The following PLCD3 variants were observed in gnomAD, a reference collection of about 807,000 sequenced individuals.
PLCD3 encodes the protein 1-phosphatidylinositol 4,5-bisphosphate phosphodiesterase delta-3.
Under a neutral mutation model 82.8 loss-of-function variants are expected in PLCD3, and 62 were observed. That is an observed-to-expected ratio of 0.75 (90% confidence interval 0.61 to 0.93). PLCD3 has a LOEUF of 0.93. PLCD3 is among the 40% of genes least tolerant of loss of function. The pLI is 0.00. For synonymous variants in PLCD3, 478 were observed against 471.8 expected (o/e 1.01, Z -0.17); for missense variants, 1,023 against 1,103.4 (o/e 0.93, Z 1.03).
chr17:45,124,945 C>A (rs753560262), intron 1 of PLCD3, among the ~76,000 whole-genome samples: 2 of 152,272 alleles, frequency 1.3e-5, no homozygotes, highest in Non-Finnish European at 2.9e-5. Flanking sequence ...AATCCCAGCA[C>A]TTTGGGAGGC....
intron 10 of PLCD3, among the ~76,000 whole-genome samples, 179 bp downstream of exon 10, chr17:45,114,915 T>C (rs1261496976): frequency 1.3e-5 from 2 of 151,954 alleles, no homozygotes. Context: ...GCCCTCAGCG[T>C]GCCACTCCCC....
chr17:45,120,581 C>A, intron 3 of PLCD3, 127 bp from the exon 4 acceptor site: 1 of 1,248,634 alleles, frequency 8.0e-7, no homozygotes, highest in Non-Finnish European at 1.1e-6. Flanking sequence ...TCCCCTTGGC[C>A]TGTGCACTCC....
Position 45,112,599 on chromosome 17 carries a change from G to A in PLCD3, c.*17C>T. The A allele has an allele frequency of 6.3e-7, 1 of 1,583,432 alleles. No individual in the cohort carries two copies. Among genetic ancestry groups the A allele is most frequent in the Non-Finnish European group, 8.6e-7 (1 of 1,164,366 alleles). ...GGACTGGCACTCGCAGAACCCCAAGGCGAGTGAGGTGGGCCCTCAGGAGCG... is the reference window on the plus strand; with the variant it reads ...GGACTGGCACTCGCAGAACCCCAAGACGAGTGAGGTGGGCCCTCAGGAGCG... On this transcript the variant is annotated 3_prime_UTR_variant, in exon 15 of 15. Transcript: ENST00000619929.
intron 8 of PLCD3, 158 bp from the exon 9 acceptor site, chr17:45,115,648 G>A (rs1447173314): frequency 3.0e-6 from 2 of 666,668 alleles, no homozygotes; most frequent in Admixed American, 5.6e-5. Flanking sequence ...AGGAAAGAGT[G>A]GAGAATGGCC....
At chr17:45,117,413 T>G (rs111386686) in intron 7 of PLCD3, among the ~76,000 whole-genome samples, 4 of 152,132 alleles carry the variant, frequency 2.6e-5, no homozygotes, top group Non-Finnish European at 5.9e-5. Flanking sequence ...ACTCAGCTAA[T>G]TTTTATTTTT....
At chr17:45,125,547 G>C (rs1041462043) in intron 1 of PLCD3, among the ~76,000 whole-genome samples, 6 of 152,262 alleles carry the variant, frequency 3.9e-5, no homozygotes, top group Non-Finnish European at 8.8e-5. Context: ...AGCGAGCTGA[G>C]ATTGTGCCAC....
rs544652887 is a variant in PLCD3 at position 45,121,013 on chromosome 17, T to G, written c.443A>C (p.Lys148Thr). Reference sequence around the variant, plus strand: ...CGTGGGCGCCGCCAGGTCCAGGTTCTTGCGGCGGCCCTTGAAGGCGATGGT... The same window carrying G: ...CGTGGGCGCCGCCAGGTCCAGGTTCGTGCGGCGGCCCTTGAAGGCGATGGT... ...CLTIAFKGRR[K>T]NLDLAAPTAE... is the part of the protein sequence containing the mutation. Residue 148 changes from lysine to threonine, a missense_variant, in exon 3 of 15, where the codon AAG (lysine) becomes ACG (threonine). Physicochemically the swap from Lys to Thr is moderately conservative, Grantham distance 78 (BLOSUM62 -1). Coordinates refer to ENST00000619929, the MANE Select transcript of PLCD3 (RefSeq NM_133373.5). 1.3e-6 allele frequency: 2 copies of G among 1,540,478 alleles called. No homozygotes were observed. The highest frequency in any genetic ancestry group is 2.5e-5 in the East Asian group (1 of 40,758).
intron 1 of PLCD3, 140 bp from the exon 2 acceptor site, chr17:45,121,512 C>G: frequency 9.4e-7 from 1 of 1,064,208 alleles, no homozygotes; most frequent in Non-Finnish European, 1.3e-6. Context: ...CCCTCCCCCT[C>G]ACAGGACTCC....
rs547165957 is a variant in PLCD3 at position 45,110,976 on chromosome 17, C to T, written c.*1640G>A. 1 of 152,364 alleles carries T rather than the reference C, an allele frequency of 6.6e-6. No individual in the cohort carries two copies. Among genetic ancestry groups the T allele is most frequent in the East Asian group, 1.9e-4 (1 of 5,186 alleles). The allele number at this position is 152,364 out of a possible 1,614,324, so 9.4% of individuals were successfully genotyped here. ...TTTTGGTTTCTGTGGGGCTTGGGGC[C>T]AGTTCAAGGCCTATCCCAGCCCAGT... On this transcript the variant is annotated 3_prime_UTR_variant, in exon 15 of 15. Transcript: ENST00000619929.
At position 45,118,521 on chromosome 17, in the gene PLCD3, G is replaced by C. The variant is rs1479351874; in HGVS notation, c.914-29C>G. The stretch of plus-strand genomic sequence containing the variant: ...CAGGGGTGGCAGGAGAGGGCATCAG[G>C]CCACATAGGGATCCCCCATGTCCAG... On this transcript the variant is annotated intron_variant, in intron 5 of 14. Transcript: ENST00000619929. This position sits in a 1 kb window ranked among gnomAD's most constrained non-coding sequence, Gnocchi z 4.1. 1 of 1,611,488 alleles carries C rather than the reference G, an allele frequency of 6.2e-7. No homozygotes were observed. Among genetic ancestry groups the C allele is most frequent in the Admixed American group, 1.7e-5 (1 of 59,980 alleles).
chr17:45,113,455 G>A lies in PLCD3; in HGVS notation c.1979C>T (p.Thr660Ile). 1.3e-6 allele frequency: 2 copies of A among 1,595,182 alleles called. No homozygotes were observed. The highest frequency in any genetic ancestry group is 1.7e-6 in the Non-Finnish European group (2 of 1,170,912). The change falls in exon 12 of 15, where the codon ACC (threonine) becomes ATC (isoleucine). Residue 660 changes from threonine (T) to isoleucine (I), a missense_variant. By Grantham distance (89) the Thr-to-Ile change is moderately conservative. Transcript: ENST00000619929. ...CCTGCTGACCTGGATGCTGAGAGTG[G>A]TTCTGGGAGGTCCTGGGTACTCGGG... ...FDPEYPGPPR[T>I]TLSIQVLTAQ...
In PLCD3 at chr17:45,112,424, T is replaced by G. The variant is rs2143542969; in HGVS notation, c.*192A>C. ...GCTCACTGAAGTCACATGAACACCT[T>G]TCTGTTCTTCAGGAGGGGCCCAGGC... On this transcript the variant is annotated 3_prime_UTR_variant, in exon 15 of 15. Transcript: ENST00000619929. 1.6e-6 allele frequency: 1 copy of G among 636,258 alleles called. No homozygotes were observed. The highest frequency in any genetic ancestry group is 2.8e-5 in the East Asian group (1 of 36,064). 39.4% of individuals were successfully genotyped at this position (636,258 alleles called of 1,614,324 possible). A position where few individuals can be genotyped will look rare whatever the true frequency, so the allele number is the denominator to read the frequency against.
chr17:45,120,526 A>G (rs2143570660), intron 3 of PLCD3, 72 bp from the exon 4 acceptor site: 1 of 1,599,396 alleles, frequency 6.3e-7, no homozygotes, highest in East Asian at 2.2e-5. Context: ...CTGGTAAGTC[A>G]CCCCCACCTG....
chr17:45,124,764 C>G (rs1206938079), intron 1 of PLCD3, among the ~76,000 whole-genome samples: 1 of 152,278 alleles, frequency 6.6e-6, no homozygotes, highest in African/African-American at 2.4e-5. Context: ...CCACCTCCTA[C>G]TGTTCCTGTG....
chr17:45,118,686 G>T lies in PLCD3; in HGVS notation c.913+129C>A. The T allele has an allele frequency of 8.8e-7, 1 of 1,140,434 alleles. No homozygotes were observed. Among genetic ancestry groups the T allele is most frequent in the Non-Finnish European group, 1.2e-6 (1 of 815,448 alleles). 70.6% of individuals were successfully genotyped at this position (1,140,434 alleles called of 1,614,324 possible). A position where few individuals can be genotyped will look rare whatever the true frequency, so the allele number is the denominator to read the frequency against. Reference sequence around the variant, plus strand: ...AACTGTTGTGCCATTTTACACATGTGGAAGCTGAGTCTGGAGGAGGTGAGG... The same window carrying T: ...AACTGTTGTGCCATTTTACACATGTTGAAGCTGAGTCTGGAGGAGGTGAGG... On this transcript the variant is annotated intron_variant, in intron 5 of 14. Coordinates refer to ENST00000619929, the MANE Select transcript of PLCD3 (RefSeq NM_133373.5). The surrounding 1 kb of genome is among the most constrained non-coding windows in gnomAD (Gnocchi z 4.1).
At chr17:45,127,035 G>A (rs182427846) in intron 1 of PLCD3, among the ~76,000 whole-genome samples, 3 of 152,366 alleles carry the variant, frequency 2.0e-5, no homozygotes, top group Non-Finnish European at 4.4e-5. Context: ...GGGCTGAAAT[G>A]TGGTGGAAGT....
rs763098608 is a variant in PLCD3 at position 45,121,225 on chromosome 17, G to A, written c.311C>T (p.Pro104Leu). 2 of 1,588,736 alleles carry A rather than the reference G, an allele frequency of 1.3e-6. No individual in the cohort carries two copies. The highest frequency in any genetic ancestry group is 2.3e-5 in the East Asian group (1 of 44,216). Residue 104 changes from proline to leucine, a missense_variant, in exon 2 of 15, where the codon CCA (proline) becomes CTA (leucine). Coordinates refer to ENST00000619929, the MANE Select transcript of PLCD3 (RefSeq NM_133373.5). ...VWFQRRIPRA[P>L]SQHIFFVQHI... ...CGGCCTCTCACAGATGTGCTGCGAT[G>A]GCGCACGCGGGATGCGCCGCTGGAA... is the stretch of plus-strand genomic sequence containing the variant.
chr17:45,128,425 C>T (rs1246026622), intron 1 of PLCD3, among the ~76,000 whole-genome samples: 1 of 152,050 alleles, frequency 6.6e-6, no homozygotes, highest in Non-Finnish European at 1.5e-5. Context: ...GACTGGAGGG[C>T]CACCCAGCTT....
chr17:45,113,262 G>A lies in PLCD3; in HGVS notation c.1996-5C>T, dbSNP rs1022614156. On this transcript the variant is annotated splice_region_variant and splice_polypyrimidine_tract_variant and intron_variant, in intron 12 of 14. Coordinates refer to ENST00000619929, the MANE Select transcript of PLCD3 (RefSeq NM_133373.5). ...CAGCTGCTGTGCAGTCAGCACCTGT[G>A]GGTGAGGGAGGGAGTGGCTGGGGCC... 3.1e-6 allele frequency: 5 copies of A among 1,601,562 alleles called. No homozygotes were observed. In the African/African-American group the frequency reaches 4.0e-5, roughly 13 times the overall value.
Sources: gnomAD v4.1 joint callset for allele counts (sites outside exome capture counted in the v4.1 genomes callset) on GRCh38, gnomAD v4.1.1 for gene constraint, Gnocchi (gnomAD v3.1) non-coding constraint, MANE v1.5 for transcripts, NCBI Gene and HGNC (gene_info 2026-07-23, HGNC 2026-07-21) for gene names.